Variants in RCC1L observed in about 807,000 individuals in gnomAD.
RCC1L encodes RCC1 like.
RCC1L carries 46 observed loss-of-function variants against 58.6 expected under a neutral mutation model. That is an observed-to-expected ratio of 0.79 (90% CI 0.62 to 1.00). RCC1L has a LOEUF of 1.00. RCC1L is among the 50% of genes least tolerant of loss of function. The pLI, the probability that RCC1L is intolerant of heterozygous loss-of-function variation, is 0.00. For missense variants in RCC1L, 636 were observed against 623.6 expected (o/e 1.02, Z -0.21); for synonymous variants, 281 against 262.9 (o/e 1.07, Z -0.67).
rs1298553160 is a variant in RCC1L, at chr7:75,052,716, A to G, written c.1312T>C (p.Trp438Arg). 1 of 1,611,084 alleles carries G rather than the reference A, an allele frequency of 6.2e-7. No homozygotes were observed. The highest frequency in any genetic ancestry group is 8.5e-7 in the Non-Finnish European group (1 of 1,179,004). ...ACCTCCCCGGCCAGCCTTACCCTCC[A>G]TGGGAAATACTGGTCCTCCAGGCGA... ...IGRLEDQYFP[W>R]RVTMPGEPVD... Residue 438 changes from tryptophan (W) to arginine (R), a missense_variant, in exon 10 of 11, where the codon TGG becomes CGG. By Grantham distance (101) the Trp-to-Arg change is moderately radical. Coordinates refer to ENST00000610322, the MANE Select transcript of RCC1L (RefSeq NM_030798.5).
At chr7:75,071,094 G>C (rs1389867349) in intron 1 of RCC1L, among the ~76,000 whole-genome samples, 2 of 152,118 alleles carry the variant, frequency 1.3e-5, no homozygotes, top group Non-Finnish European at 2.9e-5. Context: ...GGCCTCAAGT[G>C]ATCTGTCCGC....
chr7:75,038,602 G>A (rs1805480238), downstream of RCC1L, among the ~76,000 whole-genome samples: 2 of 151,638 alleles, frequency 1.3e-5, no homozygotes, highest in Non-Finnish European at 2.9e-5. Flanking sequence ...TGCCTAGATG[G>A]GAAGTCAGAC....
At chr7:75,040,441 CAG>C (rs1220609827), downstream of RCC1L, among the ~76,000 whole-genome samples, 2 of 152,130 alleles carry the variant, frequency 1.3e-5, no homozygotes, top group African/African-American at 4.8e-5. Context: ...GCCTGGGCAA[CAG>C]AGAGAGACTC....
chr7:75,028,874 G>A (rs1055301104), intron 10 of RCC1L, among the ~76,000 whole-genome samples: 3 of 152,166 alleles, frequency 2.0e-5, no homozygotes, highest in Non-Finnish European at 2.9e-5. Flanking sequence ...ATTCAGAGGC[G>A]GGGACCCAAA....
At chr7:75,039,556 G>A (rs1186798698), downstream of RCC1L, among the ~76,000 whole-genome samples, 1 of 152,178 alleles carries the variant, frequency 6.6e-6, no homozygotes, top group Non-Finnish European at 1.5e-5. Context: ...GTGGCGGTCT[G>A]CATACCTGCA....
chr7:75,051,036 G>A (rs1049957786), intron 10 of RCC1L, among the ~76,000 whole-genome samples: 9,168 of 151,984 alleles, frequency 0.06, 932 homozygotes, highest in African/African-American at 0.21. Context: ...CAAGGCTGCA[G>A]TGAGCTGTGA....
intron 8 of RCC1L, 105 bp downstream of exon 8, chr7:75,057,424 C>T: frequency 8.5e-7 from 1 of 1,180,472 alleles, no homozygotes; most frequent in Non-Finnish European, 1.3e-6. Context: ...GCCATGTTAC[C>T]CTCCTAAGGC....
downstream of RCC1L, among the ~76,000 whole-genome samples, chr7:75,039,456 C>A (rs1417142008): frequency 1.3e-5 from 2 of 152,220 alleles, no homozygotes; most frequent in East Asian, 3.8e-4. Flanking sequence ...TGACAGCATC[C>A]TATTGAGGTT....
chr7:75,050,075 C>T (rs1036833158), intron 10 of RCC1L, among the ~76,000 whole-genome samples: 2 of 152,076 alleles, frequency 1.3e-5, no homozygotes, highest in African/African-American at 2.4e-5. Flanking sequence ...GCCGCCGTCA[C>T]GGGGACAGGC....
At position 75,052,757 on chromosome 7, in the gene RCC1L, C is replaced by T; in HGVS notation, c.1271G>A (p.Gly424Glu). ...CTCCAGGCGACCGATTCCCAGGCAC[C>T]CTCGGATGTTCTTGCCCCATACAAA... is the stretch of plus-strand genomic sequence containing the variant. The part of the protein sequence containing the change: ...ELFVWGKNIR[G>E]CLGIGRLEDQ... The change falls in exon 10 of 11, where the codon GGG becomes GAG. Residue 424 changes from glycine (G) to glutamate (E), a missense_variant. Transcript: ENST00000610322. 6.2e-7 allele frequency: 1 copy of T among 1,613,444 alleles called. No homozygotes were observed. The highest frequency in any genetic ancestry group is 1.1e-5 in the South Asian group (1 of 90,834).
At chr7:75,064,416 G>T (rs1806385484) in intron 4 of RCC1L, among the ~76,000 whole-genome samples, 166 bp downstream of exon 4, 1 of 151,708 alleles carries the variant, frequency 6.6e-6, no homozygotes, top group Non-Finnish European at 1.5e-5. Flanking sequence ...CTAACACATG[G>T]CGCTCAACCT....
chr7:75,027,953 G>A, exon 11 of RCC1L: 1 of 1,432,380 alleles, frequency 7.0e-7, no homozygotes, highest in African/African-American at 1.4e-5. Context: ...CACTTGGAGG[G>A]GCATGTGTTT....
chr7:75,043,686 G>T (rs1805633117), intron 10 of RCC1L, among the ~76,000 whole-genome samples: 1 of 152,150 alleles, frequency 6.6e-6, no homozygotes, highest in African/African-American at 2.4e-5. Flanking sequence ...GTGGTGGCAG[G>T]CGCCTGTAAT....
In RCC1L at chr7:75,070,760, C is replaced by T; in HGVS notation, c.334G>A (p.Ala112Thr). ...RLELDQKISS[A>T]ACGYGFTLLS... ...AGTGTGAATCCATAGCCGCAAGCAG[C>T]AGATGAAATCTGAAAAGCAGTTCCC... is the stretch of plus-strand genomic sequence containing the variant. Residue 112 changes from alanine (A) to threonine (T), a missense_variant, in exon 2 of 11, where the codon GCT (alanine) becomes ACT (threonine). Transcript: ENST00000610322. 6.2e-7 allele frequency: 1 copy of T among 1,613,920 alleles called. No individual in the cohort carries two copies. Among genetic ancestry groups the T allele is most frequent in the South Asian group, 1.1e-5 (1 of 91,046 alleles).
intron 1 of RCC1L, 120 bp downstream of exon 1, chr7:75,073,294 G>A (rs1298059269): frequency 1.7e-5 from 8 of 467,272 alleles, no homozygotes; most frequent in Non-Finnish European, 2.9e-5. Context: ...CTCGAGGGTC[G>A]TCCTGCCGGA....
intron 4 of RCC1L, among the ~76,000 whole-genome samples, chr7:75,064,179 A>G (rs1554444767): frequency 6.6e-6 from 1 of 151,652 alleles, no homozygotes; most frequent in East Asian, 2.0e-4. Context: ...AAACTACAAA[A>G]ATTAGCCGGG....
Position 75,073,701 on chromosome 7 carries a change from C to T in RCC1L, c.37G>A (p.Gly13Arg), listed in dbSNP as rs1554446581. 5 of 1,510,174 alleles carry T rather than the reference C, an allele frequency of 3.3e-6. No homozygotes were observed. In the Admixed American group the frequency reaches 1.0e-4, roughly 31 times the overall value. 93.5% of individuals were successfully genotyped at this position (1,510,174 alleles called of 1,614,324 possible). A position where few individuals can be genotyped will look rare whatever the true frequency, so the allele number is the denominator to read the frequency against. Residue 13 changes from glycine to arginine, a missense_variant, in exon 1 of 11, where the codon GGG (glycine) becomes AGG (arginine). Transcript: ENST00000610322. ...AGCCCCGGCCCGCTCAGCCGCCGCC[C>T]CAGCCGAGCCCCAGCCACCAACGCC... ...LVALVAGARL[G>R]RRLSGPGLGR...
intron 2 of RCC1L, among the ~76,000 whole-genome samples, chr7:75,068,187 C>T (rs1806574474): frequency 6.6e-6 from 1 of 151,418 alleles, no homozygotes; most frequent in African/African-American, 2.4e-5. Flanking sequence ...GGCATGGTGG[C>T]ACATGCCTGT....
At chr7:75,036,156 T>C (rs1805426790) in intron 10 of RCC1L, among the ~76,000 whole-genome samples, 1 of 150,306 alleles carries the variant, frequency 6.7e-6, no homozygotes, top group Non-Finnish European at 1.5e-5. Context: ...TTTGCTCGTT[T>C]CCCAAGCTGG....
Sources: allele counts gnomAD v4.1 joint callset (sites outside exome capture counted in the v4.1 genomes callset), GRCh38; gene constraint gnomAD v4.1.1; transcripts MANE v1.5; gene names NCBI Gene and HGNC (gene_info 2026-07-23, HGNC 2026-07-21).